GPC5: variants seen among roughly 807,000 people sequenced by gnomAD.
GPC5 encodes the protein glypican 5.
GPC5 carries 47 observed loss-of-function variants against 53.9 expected under a neutral mutation model. The ratio of observed to expected loss-of-function variants is 0.87; its 90% CI spans 0.69 to 1.11. The LOEUF (loss-of-function observed/expected upper bound fraction) is 1.11, where lower values mean the gene tolerates loss of function less well. GPC5 is among the 50% of genes most tolerant of loss of function. The pLI is 0.00. For missense variants in GPC5, 748 were observed against 713.1 expected, an observed-to-expected ratio of 1.05 and a Z score of -0.56; for synonymous variants, 286 against 263.3, an observed-to-expected ratio of 1.09 and a Z score of -0.84.
chr13:91,866,010 G>A (rs2039080028), intron 5 of GPC5, among the ~76,000 whole-genome samples: 1 of 152,156 alleles, frequency 6.6e-6, no homozygotes, highest in Non-Finnish European at 1.5e-5. Context: ...TGGGATTATA[G>A]GCATGTGCCA....
At chr13:92,122,740 C>CTTTTTTTTTT (rs3058805) in intron 6 of GPC5, among the ~76,000 whole-genome samples, 2 of 67,084 alleles carry the variant, frequency 3.0e-5, no homozygotes, top group Non-Finnish European at 5.3e-5. Context: ...ATAGGTCAGT[C>CTTTTTTTTTT]TTTTTTTTTT....
At chr13:92,459,154 C>G (rs1436400660) in intron 7 of GPC5, among the ~76,000 whole-genome samples, 2 of 152,102 alleles carry the variant, frequency 1.3e-5, no homozygotes, top group African/African-American at 4.8e-5. Context: ...ATTTTAGCAT[C>G]TCCACATCTT....
At chr13:91,472,034 T>TA (rs1882664113) in intron 2 of GPC5, among the ~76,000 whole-genome samples, 5 of 152,166 alleles carry the variant, frequency 3.3e-5, no homozygotes, top group Admixed American at 1.3e-4. Context: ...TAATCTCTAT[T>TA]ATATCTATTC....
In GPC5 at chr13:91,398,669, G is replaced by GGCGGCGGCAGCGGCGGCAGCGGCGGCA. The variant is rs1458512699; in HGVS notation, c.-368_-367insCGGCGGCAGCGGCGGCAGCGGCGGCAG. The GGCGGCGGCAGCGGCGGCAGCGGCGGCA allele has an allele frequency of 3.3e-5, 3 of 91,430 alleles. No individual in the cohort carries two copies. Among genetic ancestry groups the GGCGGCGGCAGCGGCGGCAGCGGCGGCA allele is most frequent in the African/African-American group, 1.1e-4 (3 of 27,380 alleles). 5.7% of individuals were successfully genotyped at this position (91,430 alleles called of 1,614,324 possible). A position where few individuals can be genotyped will look rare whatever the true frequency, so the allele number is the denominator to read the frequency against. On this transcript the variant is annotated 5_prime_UTR_variant, in exon 1 of 8. Transcript: ENST00000377067. ...CGAGCCGGGCGGCGGAGGCGGCGGC[G>GGCGGCGGCAGCGGCGGCAGCGGCGGCA]GCGGCGGCAGTGGCGGCAGTGGCGG...
intron 7 of GPC5, among the ~76,000 whole-genome samples, chr13:92,620,730 G>A (rs192297935): frequency 7.0e-4 from 106 of 152,134 alleles, no homozygotes; most frequent in African/African-American, 2.3e-3. Context: ...GGGAAGTCAG[G>A]GAAGGGAGAA....
chr13:92,581,722 A>C (rs1883377635), intron 7 of GPC5, among the ~76,000 whole-genome samples: 2 of 152,140 alleles, frequency 1.3e-5, no homozygotes, highest in African/African-American at 4.8e-5. Context: ...CCTCACCAAT[A>C]CTTGTTGTCA....
intron 7 of GPC5, among the ~76,000 whole-genome samples, chr13:92,326,237 G>A (rs1015679590): frequency 6.6e-5 from 10 of 151,970 alleles, no homozygotes; most frequent in Non-Finnish European, 1.3e-4. Context: ...TCTACTTGCC[G>A]GTAAGTATAT....
chr13:92,569,135 T>A, intron 7 of GPC5, among the ~76,000 whole-genome samples: 1 of 135,796 alleles, frequency 7.4e-6, no homozygotes, highest in Non-Finnish European at 1.5e-5. Flanking sequence ...TGTCCATGTG[T>A]TCTCATTGTT....
intron 2 of GPC5, among the ~76,000 whole-genome samples, chr13:91,452,149 T>TA (rs1881224841): frequency 6.6e-6 from 1 of 151,992 alleles, no homozygotes; most frequent in Non-Finnish European, 1.5e-5. Context: ...CTTGCCTGGC[T>TA]AATTTTTGAT....
At chr13:91,879,031 A>AC (rs1338510840) in intron 5 of GPC5, among the ~76,000 whole-genome samples, 1 of 151,884 alleles carries the variant, frequency 6.6e-6, no homozygotes, top group African/African-American at 2.4e-5. Flanking sequence ...CTATGCACAT[A>AC]CCCCCCTAAT....
chr13:92,043,186 A>T (rs1432083229), intron 6 of GPC5, among the ~76,000 whole-genome samples: 2 of 152,246 alleles, frequency 1.3e-5, no homozygotes, highest in Non-Finnish European at 2.9e-5. Context: ...GAAAATAAAA[A>T]TAGACAGAAA....
At chr13:92,858,771 G>A (rs547741876) in intron 7 of GPC5, among the ~76,000 whole-genome samples, 15 of 152,110 alleles carry the variant, frequency 9.9e-5, no homozygotes, top group African/African-American at 3.6e-4. Context: ...ATATACCTGT[G>A]TTACGAACCT....
Position 92,328,508 on chromosome 13 carries a change from T to A in GPC5, c.1561+183519T>A, listed in dbSNP as rs917677041. ...TTAGACGTAGAGGAATAAGAGTGAA[T>A]CAATTAATGGAACTAGGCTATAAGG... On this transcript the variant is annotated intron_variant, in intron 7 of 7. Transcript: ENST00000377067. 4.6e-5 allele frequency among the ~76,000 whole-genome samples: 7 copies of A among 152,124 alleles called. 1 individual carries two copies. In the South Asian group the frequency reaches 6.2e-4, roughly 13 times the overall value.
At chr13:91,529,637 TA>T (rs761984592) in intron 2 of GPC5, among the ~76,000 whole-genome samples, 49 of 152,232 alleles carry the variant, frequency 3.2e-4, no homozygotes, top group Non-Finnish European at 7.1e-4. Flanking sequence ...GCAGCATTGT[TA>T]GCGTTATAGA....
At chr13:91,983,396 G>A (rs1447778270) in intron 6 of GPC5, among the ~76,000 whole-genome samples, 1 of 152,018 alleles carries the variant, frequency 6.6e-6, no homozygotes. Flanking sequence ...ACAACATCTA[G>A]GTGACAGTGT....
intron 6 of GPC5, among the ~76,000 whole-genome samples, chr13:92,073,780 C>T (rs991481989): frequency 6.6e-6 from 1 of 152,122 alleles, no homozygotes; most frequent in African/African-American, 2.4e-5. Context: ...TGTATGGTTT[C>T]GCTGTGTCCC....
intron 4 of GPC5, among the ~76,000 whole-genome samples, chr13:91,749,814 T>A (rs982797415): frequency 6.6e-6 from 1 of 152,160 alleles, no homozygotes; most frequent in South Asian, 2.1e-4. Flanking sequence ...AGTAGGGAAG[T>A]GGTATTTTTT....
intron 5 of GPC5, among the ~76,000 whole-genome samples, chr13:91,862,309 G>C (rs1372831612): frequency 1.3e-5 from 2 of 152,118 alleles, no homozygotes; most frequent in Non-Finnish European, 2.9e-5. Context: ...AAATGAACCT[G>C]ATGCTCTGTC....
chr13:92,151,612 C>A (rs944345767), intron 7 of GPC5, among the ~76,000 whole-genome samples: 1 of 152,070 alleles, frequency 6.6e-6, no homozygotes, highest in African/African-American at 2.4e-5. Context: ...TTCTTAACAC[C>A]AAAGTAGAAC....
Sources: gnomAD v4.1 joint callset for allele counts (sites outside exome capture counted in the v4.1 genomes callset) on GRCh38, gnomAD v4.1.1 for gene constraint, MANE v1.5 for transcripts, NCBI Gene and HGNC (gene_info 2026-07-23, HGNC 2026-07-21) for gene names.